ZDHHC6: variants seen among roughly 807,000 people sequenced by gnomAD.
The protein encoded by ZDHHC6 is palmitoyltransferase ZDHHC6.
A neutral mutation model predicts 57.8 loss-of-function variants in ZDHHC6; 32 were observed. The ratio of observed to expected loss-of-function variants is 0.55; its 90% CI spans 0.42 to 0.74. The LOEUF (loss-of-function observed/expected upper bound fraction) is 0.74, where lower values mean the gene tolerates loss of function less well. Ranked by LOEUF, ZDHHC6 falls within the 30% of genes least tolerant of loss-of-function variation. The pLI, the probability that ZDHHC6 is intolerant of heterozygous loss-of-function variation, is 0.00. For synonymous variants in ZDHHC6, 128 were observed against 158.0 expected (o/e 0.81, Z 1.42); for missense variants, 433 against 500.7 (o/e 0.86, Z 1.29).
At chr10:112,429,959 C>A (rs1026337125), downstream of ZDHHC6, among the ~76,000 whole-genome samples, 1 of 84,502 alleles carries the variant, frequency 1.2e-5, no homozygotes, top group African/African-American at 4.3e-5. Flanking sequence ...AGAGGCCAAG[C>A]AGTTGTTGGG....
At chr10:112,431,038 T>G in intron 10 of ZDHHC6, 131 bp from the exon 11 acceptor site, 1 of 717,132 alleles carries the variant, frequency 1.4e-6, no homozygotes, top group South Asian at 2.0e-5. Context: ...TGCTATCTAT[T>G]ATAAGCACAG....
At chr10:112,440,389 T>C (rs932710479) in intron 5 of ZDHHC6, 145 bp downstream of exon 5, 4 of 900,726 alleles carry the variant, frequency 4.4e-6, no homozygotes, top group African/African-American at 3.4e-5. Flanking sequence ...ATCTGACGAA[T>C]ACAAAGGAGA....
chr10:112,438,385 T>C lies in ZDHHC6; in HGVS notation c.686A>G (p.Lys229Arg). ...AVGMLFFIQM[K>R]IILRNKTSIE... ...AGAAGTTTTGTTTCTGAGAATTATT[T>C]TCATCTGGAAATTAAATGATAGTAA... The change falls in exon 6 of 11, where the codon AAA becomes AGA. Residue 229 changes from lysine (K) to arginine (R), a missense_variant. By Grantham distance (26) the Lys-to-Arg change is conservative. Transcript: ENST00000369405. 1 of 1,389,854 alleles carries C rather than the reference T, an allele frequency of 7.2e-7. No individual in the cohort carries two copies. The highest frequency in any genetic ancestry group is 1.5e-5 in the South Asian group (1 of 67,720). 86.1% of individuals were successfully genotyped at this position (1,389,854 alleles called of 1,614,324 possible).
At chr10:112,446,337 G>T (rs1564773907) in intron 1 of ZDHHC6, among the ~76,000 whole-genome samples, 1 of 152,054 alleles carries the variant, frequency 6.6e-6, no homozygotes, top group Non-Finnish European at 1.5e-5. Flanking sequence ...TATATGAGAA[G>T]AACCTGAATT....
chr10:112,437,780 T>C (rs1845681746), intron 6 of ZDHHC6, among the ~76,000 whole-genome samples: 1 of 152,232 alleles, frequency 6.6e-6, no homozygotes, highest in African/African-American at 2.4e-5. Flanking sequence ...ATGGACGTTA[T>C]CTGCCCAGAC....
rs4918752 is a variant in ZDHHC6, at chr10:112,445,631, G to A, written c.-195C>T. On this transcript the variant is annotated 5_prime_UTR_variant, in exon 2 of 11. Transcript: ENST00000369405. ...TTTATCTTAACTAGGAGAATCCAGT[G>A]TCTTGGTCTGAAACCCAACCTAAAG... The A allele has an allele frequency of 0.56, 356,169 of 632,784 alleles. 102,242 individuals are homozygous for A. The highest frequency in any genetic ancestry group is 0.61 in the Admixed American group (19,765 of 32,172). 39.2% of individuals were successfully genotyped at this position (632,784 alleles called of 1,614,324 possible).
downstream of ZDHHC6, among the ~76,000 whole-genome samples, chr10:112,428,726 G>A (rs990559473): frequency 3.3e-5 from 5 of 151,450 alleles, no homozygotes; most frequent in African/African-American, 4.9e-5. Context: ...AGCCGAGATC[G>A]CACCACTGCA....
chr10:112,435,655 T>C (rs1339180847), intron 6 of ZDHHC6, among the ~76,000 whole-genome samples: 1 of 152,248 alleles, frequency 6.6e-6, no homozygotes, highest in Non-Finnish European at 1.5e-5. Flanking sequence ...CTATAATGCA[T>C]ATGAATCTAT....
At chr10:112,426,922 C>T (rs993003838), downstream of ZDHHC6, 3 of 1,326,496 alleles carry the variant, frequency 2.3e-6, no homozygotes, top group African/African-American at 4.4e-5. Context: ...AAGTTTCCAT[C>T]TAATGAGGTT....
At chr10:112,430,102 C>A (rs1388599462), downstream of ZDHHC6, among the ~76,000 whole-genome samples, 1 of 152,202 alleles carries the variant, frequency 6.6e-6, no homozygotes, top group African/African-American at 2.4e-5. Context: ...ACCCCTCAGG[C>A]CACCACTGCC....
intron 5 of ZDHHC6, among the ~76,000 whole-genome samples, 169 bp downstream of exon 5, chr10:112,440,365 A>G (rs1462654714): frequency 6.6e-6 from 1 of 152,246 alleles, no homozygotes; most frequent in East Asian, 1.9e-4. Flanking sequence ...TTCTGGCAAA[A>G]TTAAATCAAA....
chr10:112,447,325 C>T (rs752555870), upstream of ZDHHC6: 4 of 1,588,376 alleles, frequency 2.5e-6, no homozygotes, highest in South Asian at 3.4e-5. Flanking sequence ...CCCTCGAGGC[C>T]CTTTCCCTGA....
chr10:112,424,688 A>C (rs1465432189), exon 12 of ZDHHC6: 1 of 152,208 alleles, frequency 6.6e-6, no homozygotes, highest in South Asian at 2.1e-4. Flanking sequence ...TTAGGGTGTT[A>C]GCATGTGGAT....
chr10:112,444,673 A>G (rs1458886742), intron 2 of ZDHHC6, among the ~76,000 whole-genome samples: 1 of 152,250 alleles, frequency 6.6e-6, no homozygotes, highest in African/African-American at 2.4e-5. Flanking sequence ...ATGGACATTC[A>G]TAAGCATAAA....
At chr10:112,443,737 T>C in intron 2 of ZDHHC6, 131 bp from the exon 3 acceptor site, 1 of 637,420 alleles carries the variant, frequency 1.6e-6, no homozygotes, top group Non-Finnish European at 2.7e-6. Flanking sequence ...AGTCCTCTTA[T>C]TTGAGCTAAA....
At chr10:112,441,602 T>A (rs889921025) in intron 4 of ZDHHC6, among the ~76,000 whole-genome samples, 34 of 152,202 alleles carry the variant, frequency 2.2e-4, no homozygotes, top group Admixed American at 2.2e-3. Context: ...AGATCAAATA[T>A]GGGCTGTCCC....
At position 112,432,509 on chromosome 10, in the gene ZDHHC6, C is replaced by G; in HGVS notation, c.958G>C (p.Val320Leu). The G allele has an allele frequency of 6.2e-7, 1 of 1,613,490 alleles. No individual in the cohort carries two copies. The highest frequency in any genetic ancestry group is 8.5e-7 in the Non-Finnish European group (1 of 1,179,790). Residue 320 changes from valine (V) to leucine (L), a missense_variant, in exon 9 of 11, where the codon GTA (valine) becomes CTA (leucine). Val to Leu is a conservative substitution (Grantham distance 32). Coordinates refer to ENST00000369405, the MANE Select transcript of ZDHHC6 (RefSeq NM_022494.3). The part of the protein sequence containing the change: ...DKRVRSVRYK[V>L]IEDYSGACCP... ...CAGGCACCACTATAATCTTCTATTA[C>G]TTTATAGCGAACCTGTCGTCAGTGA...
chr10:112,440,425 A>C (rs749611938), intron 5 of ZDHHC6, 109 bp downstream of exon 5: 173 of 1,249,988 alleles, frequency 1.4e-4, no homozygotes, highest in Non-Finnish European at 1.8e-4. Context: ...AAATAAGCAA[A>C]AATAATTTCC....
Position 112,430,701 on chromosome 10 carries a change from A to T in ZDHHC6, c.*103T>A. On this transcript the variant is annotated 3_prime_UTR_variant, in exon 11 of 11. Coordinates refer to ENST00000369405, the MANE Select transcript of ZDHHC6 (RefSeq NM_022494.3). ...TGGCACTAGGGCACCTTTGAGGAAA[A>T]GAACATCTTAACCAGAGTAGGCTCA... The T allele has an allele frequency of 2.0e-6, 2 of 977,416 alleles. No homozygotes were observed. The highest frequency in any genetic ancestry group is 2.9e-6 in the Non-Finnish European group (2 of 684,560). The allele number at this position is 977,416 out of a possible 1,614,324, so 60.5% of individuals were successfully genotyped here. A position where few individuals can be genotyped will look rare whatever the true frequency, so the allele number is the denominator to read the frequency against.
Sources: gnomAD v4.1 joint callset for allele counts (sites outside exome capture counted in the v4.1 genomes callset) on GRCh38, gnomAD v4.1.1 for gene constraint, MANE v1.5 for transcripts, NCBI Gene and HGNC (gene_info 2026-07-23, HGNC 2026-07-21) for gene names.